The following ANXA2 variants were observed in gnomAD, a reference collection of about 807,000 sequenced individuals.
ANXA2 encodes annexin II.
In ANXA2, 28 loss-of-function variants were observed where a neutral mutation model predicts 47.3. The observed-to-expected ratio is 0.59, with a 90% CI of 0.44 to 0.81. The LOEUF is 0.81. Among genes scored for constraint, ANXA2 ranks in the 40% least tolerant of loss-of-function variants. ANXA2 has a pLI of 0.00. For synonymous variants in ANXA2, 172 were observed against 155.5 expected (o/e 1.11, Z -0.79); for missense variants, 384 against 414.3 (o/e 0.93, Z 0.64).
chr15:60,354,431 G>A (rs192142862), intron 7 of ANXA2, among the ~76,000 whole-genome samples: 2 of 152,238 alleles, frequency 1.3e-5, no homozygotes, highest in African/African-American at 2.4e-5. Context: ...CACGAGGTCA[G>A]GAGATGGAGA....
At chr15:60,394,149 G>A (rs962246766) in intron 1 of ANXA2, among the ~76,000 whole-genome samples, 1 of 152,006 alleles carries the variant, frequency 6.6e-6, no homozygotes, top group Non-Finnish European at 1.5e-5. Context: ...CTGTCCATAG[G>A]ACCACATGGG....
chr15:60,386,236 C>A, intron 1 of ANXA2, 150 bp from the exon 2 acceptor site: 1 of 617,816 alleles, frequency 1.6e-6, no homozygotes, highest in Non-Finnish European at 2.9e-6. Flanking sequence ...TCCCATCTTA[C>A]GACTGTAAAA....
In ANXA2 at chr15:60,347,502, T is replaced by C; in HGVS notation, c.*128A>G. 3 of 818,104 alleles carry C rather than the reference T, an allele frequency of 3.7e-6. No individual in the cohort carries two copies. The highest frequency in any genetic ancestry group is 6.0e-6 in the Non-Finnish European group (3 of 496,716). 50.7% of individuals were successfully genotyped at this position (818,104 alleles called of 1,614,324 possible). A position where few individuals can be genotyped will look rare whatever the true frequency, so the allele number is the denominator to read the frequency against. On this transcript the variant is annotated 3_prime_UTR_variant, in exon 13 of 13. Coordinates refer to ENST00000451270, the MANE Select transcript of ANXA2 (RefSeq NM_004039.3). ...AATGCTTAGGCAACTAAAATGAGGT[T>C]GGGGGTAATGCTAACGTCACCCTCA...
At chr15:60,393,967 A>C (rs1028492896) in intron 1 of ANXA2, among the ~76,000 whole-genome samples, 9 of 152,232 alleles carry the variant, frequency 5.9e-5, no homozygotes, top group African/African-American at 2.2e-4. Context: ...TCTCTCCCTC[A>C]GACTGGACAT....
At chr15:60,393,763 A>T (rs1217727160) in intron 1 of ANXA2, 1 of 884,824 alleles carries the variant, frequency 1.1e-6, no homozygotes, top group African/African-American at 1.8e-5. Context: ...ACATGTGTAA[A>T]GTCTGTCTTC....
intron 6 of ANXA2, among the ~76,000 whole-genome samples, chr15:60,356,630 A>G (rs535516096): frequency 1.1e-3 from 167 of 152,310 alleles, no homozygotes; most frequent in African/African-American, 3.8e-3. Context: ...AAATATGTAA[A>G]ACTATGATAA....
At chr15:60,375,637 C>T (rs908094962) in intron 3 of ANXA2, among the ~76,000 whole-genome samples, 2 of 152,176 alleles carry the variant, frequency 1.3e-5, no homozygotes, top group East Asian at 1.9e-4. Context: ...AGTTTCTAAC[C>T]AGACATAAAT....
At position 60,347,837 on chromosome 15, in the gene ANXA2, G is replaced by A. The variant is rs1895792661; in HGVS notation, c.961-148C>T. The A allele has an allele frequency of 4.2e-6, 3 of 719,004 alleles. No homozygotes were observed. In the South Asian group the frequency reaches 5.5e-5, roughly 13 times the overall value. 44.5% of individuals were successfully genotyped at this position (719,004 alleles called of 1,614,324 possible). ...GAGACCTGCCCTGATACAAAGGCCT[G>A]GAAGGCCACACCCAAACCATTGCCA... On this transcript the variant is annotated intron_variant, in intron 12 of 12. Coordinates refer to ENST00000451270, the MANE Select transcript of ANXA2 (RefSeq NM_004039.3).
At chr15:60,360,874 C>A in intron 5 of ANXA2, 67 bp downstream of exon 5, 2 of 1,027,772 alleles carry the variant, frequency 1.9e-6, no homozygotes, top group Non-Finnish European at 3.0e-6. Flanking sequence ...CCAAATTACA[C>A]TCAGAAAGCT....
In ANXA2 at chr15:60,352,254, G is replaced by C; in HGVS notation, c.682+129C>G. On this transcript the variant is annotated intron_variant, in intron 9 of 12. Transcript: ENST00000451270. This position sits in a 1 kb window ranked among gnomAD's most constrained non-coding sequence, Gnocchi z 4.2. ...TGGGAGAGAAAGGTGAGGGAAAATG[G>C]GTGAGCCTATGAGAGTGCCAAGCGG... 1.7e-6 allele frequency: 1 copy of C among 584,028 alleles called. No homozygotes were observed. Among genetic ancestry groups the C allele is most frequent in the East Asian group, 2.9e-5 (1 of 34,530 alleles). 36.2% of individuals were successfully genotyped at this position (584,028 alleles called of 1,614,324 possible).
At chr15:60,386,348 G>T in intron 1 of ANXA2, 1 of 379,558 alleles carries the variant, frequency 2.6e-6, no homozygotes, top group Non-Finnish European at 4.8e-6. Flanking sequence ...ACTGATGTGT[G>T]AATGCAAAAA....
At chr15:60,357,773 G>C (rs1461482711) in intron 5 of ANXA2, among the ~76,000 whole-genome samples, 1 of 150,080 alleles carries the variant, frequency 6.7e-6, no homozygotes, top group South Asian at 2.1e-4. Context: ...CAGCCTGGAC[G>C]ACAGAGTAAG....
At chr15:60,364,245 C>T (rs11634259) in intron 4 of ANXA2, among the ~76,000 whole-genome samples, 184 bp downstream of exon 4, 120,323 of 152,228 alleles carry the variant, frequency 0.79, 47,974 homozygotes, top group African/African-American at 0.87. Context: ...TGCACGCGCG[C>T]GTGCACACAC....
chr15:60,388,359 T>A (rs11071523), intron 1 of ANXA2, among the ~76,000 whole-genome samples: 119,629 of 152,048 alleles, frequency 0.79, 47,834 homozygotes, highest in East Asian at 1. Flanking sequence ...TATGAAAAAA[T>A]TATATAAAAT....
At chr15:60,357,109 G>T (rs767778093) in intron 6 of ANXA2, 37 bp downstream of exon 6, 3 of 1,586,590 alleles carry the variant, frequency 1.9e-6, no homozygotes. Flanking sequence ...ACATAAATTG[G>T]GCTGAGAGGA....
intron 5 of ANXA2, among the ~76,000 whole-genome samples, chr15:60,360,255 C>CA (rs1260988215): frequency 6.6e-6 from 1 of 151,154 alleles, no homozygotes; most frequent in Non-Finnish European, 1.5e-5. Flanking sequence ...AAATCCATCT[C>CA]AAAAAACAAA....
intron 7 of ANXA2, 149 bp downstream of exon 7, chr15:60,355,770 G>A (rs781495392): frequency 4.2e-5 from 31 of 743,694 alleles, no homozygotes; most frequent in Non-Finnish European, 7.4e-5. Flanking sequence ...TGACAACTCT[G>A]CAGTGACAGT....
chr15:60,393,354 G>C, intron 1 of ANXA2: 1 of 1,000,024 alleles, frequency 1.0e-6, no homozygotes, highest in Admixed American at 6.0e-5. Context: ...AGCACTTTCA[G>C]GGTTGGGAAA....
intron 3 of ANXA2, chr15:60,374,635 A>T: frequency 2.2e-6 from 1 of 456,108 alleles, no homozygotes; most frequent in Admixed American, 2.3e-5. Flanking sequence ...AAAGGCACCA[A>T]GGACTCCTTT....
Sources: gnomAD v4.1 joint callset for allele counts (sites outside exome capture counted in the v4.1 genomes callset) on GRCh38, gnomAD v4.1.1 for gene constraint, Gnocchi (gnomAD v3.1) non-coding constraint, MANE v1.5 for transcripts, NCBI Gene and HGNC (gene_info 2026-07-23, HGNC 2026-07-21) for gene names.